PCCA: variants seen among roughly 807,000 people sequenced by gnomAD.
PCCA encodes propionyl-CoA carboxylase subunit alpha.
Under a neutral mutation model 101.3 loss-of-function variants are expected in PCCA, and 74 were observed. The observed-to-expected ratio is 0.73, with a 90% CI of 0.61 to 0.89. The LOEUF is 0.89. Among genes scored for constraint, PCCA ranks in the 40% least tolerant of loss-of-function variants. The probability of loss-of-function intolerance (pLI) is 0.00; values close to 1 mark genes in which losing one functional copy is unlikely to be tolerated. For missense variants in PCCA, 891 were observed against 907.0 expected (o/e 0.98, Z 0.23); for synonymous variants, 294 against 313.6 (o/e 0.94, Z 0.66).
intron 12 of PCCA, among the ~76,000 whole-genome samples, chr13:100,281,930 A>T (rs2064154819): frequency 6.6e-6 from 1 of 152,186 alleles, no homozygotes; most frequent in East Asian, 1.9e-4. Context: ...TGCTTTTATA[A>T]ATTAGTTAAG....
In PCCA at chr13:100,196,718, T is replaced by C. The variant is rs189177288; in HGVS notation, c.469-12614T>C. 6.1e-3 allele frequency among the ~76,000 whole-genome samples: 927 copies of C among 152,342 alleles called. 7 individuals are homozygous for C. The highest frequency in any genetic ancestry group is 0.021 in the African/African-American group (869 of 41,576). Reference sequence around the variant, plus strand: ...GTATGTCATTAGATTTTAATTGAATTTGCAATTAGCATCCCAAACATTTAA... The same window carrying C: ...GTATGTCATTAGATTTTAATTGAATCTGCAATTAGCATCCCAAACATTTAA... On this transcript the variant is annotated intron_variant, in intron 6 of 23. Transcript: ENST00000376285.
intron 8 of PCCA, among the ~76,000 whole-genome samples, chr13:100,254,404 G>T (rs1424795449): frequency 6.6e-6 from 1 of 152,174 alleles, no homozygotes. Context: ...GTGCTCCAGT[G>T]GATGAGAAAA....
chr13:100,382,351 G>A (rs2076276779), intron 19 of PCCA, among the ~76,000 whole-genome samples: 1 of 152,268 alleles, frequency 6.6e-6, no homozygotes, highest in Admixed American at 6.5e-5. Flanking sequence ...ACATTCAGCT[G>A]CTTCTCCTCT....
intron 18 of PCCA, among the ~76,000 whole-genome samples, chr13:100,343,162 C>T (rs763027188): frequency 2.6e-5 from 4 of 152,194 alleles, no homozygotes; most frequent in Non-Finnish European, 5.9e-5. Context: ...CGCCACTGCA[C>T]TCCAGCCTGG....
At chr13:100,266,800 G>A (rs1190318639) in intron 10 of PCCA, among the ~76,000 whole-genome samples, 1 of 152,130 alleles carries the variant, frequency 6.6e-6, no homozygotes, top group African/African-American at 2.4e-5. Flanking sequence ...TGGGTCTAGG[G>A]ATACCAACAG....
intron 8 of PCCA, among the ~76,000 whole-genome samples, chr13:100,238,121 G>A (rs1037004430): frequency 4.0e-5 from 6 of 151,740 alleles, no homozygotes; most frequent in Non-Finnish European, 8.8e-5. Context: ...TGTATTTTTA[G>A]TAGAGACGGG....
intron 20 of PCCA, among the ~76,000 whole-genome samples, chr13:100,434,096 G>A (rs1002756886): frequency 6.6e-6 from 1 of 152,182 alleles, no homozygotes; most frequent in Non-Finnish European, 1.5e-5. Context: ...CCAGGTATGG[G>A]ACAAGACCCA....
At chr13:100,420,152 T>G (rs1047718632) in intron 19 of PCCA, among the ~76,000 whole-genome samples, 5 of 152,252 alleles carry the variant, frequency 3.3e-5, no homozygotes, top group African/African-American at 1.2e-4. Context: ...ATCCCCACAC[T>G]GAATTTGATT....
At chr13:100,399,763 T>A (rs1343894268) in intron 19 of PCCA, among the ~76,000 whole-genome samples, 2 of 152,252 alleles carry the variant, frequency 1.3e-5, no homozygotes, top group African/African-American at 4.8e-5. Context: ...TCTGACCTCA[T>A]TCTTCAATGA....
chr13:100,210,887 T>G (rs1453017686), intron 7 of PCCA, among the ~76,000 whole-genome samples: 1 of 152,232 alleles, frequency 6.6e-6, no homozygotes, highest in East Asian at 1.9e-4. Flanking sequence ...TACCTGCATT[T>G]ACTTTTATCT....
chr13:100,515,686 C>A (rs776655200), intron 22 of PCCA, 119 bp downstream of exon 22: 5 of 1,169,314 alleles, frequency 4.3e-6, no homozygotes, highest in Non-Finnish European at 6.3e-6. Context: ...CCGACGCCCC[C>A]TAAACAGCAA....
At chr13:100,409,807 G>A (rs112769261) in intron 19 of PCCA, among the ~76,000 whole-genome samples, 20,202 of 152,032 alleles carry the variant, frequency 0.13, 1,563 homozygotes, top group Middle Eastern at 0.21. Context: ...TCATTCTGTC[G>A]CCCAGGATGG....
At position 100,387,071 on chromosome 13, in the gene PCCA, C is replaced by T. The variant is rs969984491; in HGVS notation, c.1746+18497C>T. ...GAAGCAATCAGAAAAGCAGCTGGCT[C>T]ATTAAATGGAGAGTGCTGGTCCCAC... On this transcript the variant is annotated intron_variant, in intron 19 of 23. Coordinates refer to ENST00000376285, the MANE Select transcript of PCCA (RefSeq NM_000282.4). 3.9e-5 allele frequency among the ~76,000 whole-genome samples: 6 copies of T among 152,280 alleles called. 1 individual carries two copies. In the East Asian group the frequency reaches 1.2e-3, roughly 29 times the overall value.
Position 100,368,509 on chromosome 13 carries a change from C to T in PCCA, c.1681C>T (p.Leu561Phe). The T allele has an allele frequency of 1.2e-6, 2 of 1,609,578 alleles. No homozygotes were observed. The highest frequency in any genetic ancestry group is 1.7e-6 in the Non-Finnish European group (2 of 1,176,726). The change falls in exon 19 of 24, where the codon CTC becomes TTC. Residue 561 changes from leucine (L) to phenylalanine (F), a missense_variant. By Grantham distance (22) the Leu-to-Phe change is conservative (BLOSUM62 0). Transcript: ENST00000376285. ...TAAACCAGACATAGCCAACTGGGAG[C>T]TCTCAGTAAAATTGCATGATAAAGT... ...VIKPDIANWE[L>F]SVKLHDKVHT...
At chr13:100,440,041 A>ACTAAT (rs1167651098) in intron 20 of PCCA, among the ~76,000 whole-genome samples, 1 of 151,372 alleles carries the variant, frequency 6.6e-6, no homozygotes, top group African/African-American at 2.4e-5. Context: ...GCTAAGTGGA[A>ACTAAT]CTAATTTTCT....
At chr13:100,266,488 A>G (rs1485968682) in intron 10 of PCCA, among the ~76,000 whole-genome samples, 2 of 152,138 alleles carry the variant, frequency 1.3e-5, no homozygotes. Context: ...GTTTTCACTT[A>G]TTTATATTAA....
At chr13:100,406,489 G>A (rs1342385862) in intron 19 of PCCA, among the ~76,000 whole-genome samples, 2 of 152,218 alleles carry the variant, frequency 1.3e-5, no homozygotes, top group African/African-American at 4.8e-5. Flanking sequence ...CAGATCACCT[G>A]AGGTCAGGAG....
At chr13:100,149,574 C>T (rs921210510) in intron 4 of PCCA, 2 of 152,072 alleles carry the variant, frequency 1.3e-5, no homozygotes, top group Non-Finnish European at 2.9e-5. Context: ...GAAGACTGGC[C>T]GGGTTATGTA....
chr13:100,150,234 A>AT (rs1486988645), intron 4 of PCCA, among the ~76,000 whole-genome samples: 21 of 152,064 alleles, frequency 1.4e-4, no homozygotes, highest in African/African-American at 4.6e-4. Context: ...GGGTTTCACC[A>AT]TGTTGGTCAG....
Sources: allele counts gnomAD v4.1 joint callset (sites outside exome capture counted in the v4.1 genomes callset), GRCh38; gene constraint gnomAD v4.1.1; transcripts MANE v1.5; gene names NCBI Gene and HGNC (gene_info 2026-07-23, HGNC 2026-07-21).